Variants in TUBGCP5 observed in about 807,000 individuals in gnomAD.
TUBGCP5 encodes tubulin gamma complex component 5.
In TUBGCP5, 98 loss-of-function variants were observed where a neutral mutation model predicts 134.7. The ratio of observed to expected loss-of-function variants is 0.73; its 90% confidence interval spans 0.62 to 0.86. The LOEUF (loss-of-function observed/expected upper bound fraction) is 0.86. TUBGCP5 is among the 40% of genes least tolerant of loss of function. The pLI, the probability that TUBGCP5 is intolerant of heterozygous loss-of-function variation, is 0.00. For synonymous variants in TUBGCP5, 456 were observed against 431.4 expected, an observed-to-expected ratio of 1.06 and a Z score of -0.71; for missense variants, 1,150 against 1,244.8, an observed-to-expected ratio of 0.92 and a Z score of 1.15.
intron 3 of TUBGCP5, among the ~76,000 whole-genome samples, chr15:23,034,789 T>C (rs2066487879): frequency 1.3e-5 from 2 of 151,950 alleles, no homozygotes; most frequent in Non-Finnish European, 2.9e-5. Context: ...ATTGCACCAT[T>C]GCATTCCAGC....
At chr15:22,992,687 T>C (rs929884178) in intron 23 of TUBGCP5, among the ~76,000 whole-genome samples, 2 of 152,122 alleles carry the variant, frequency 1.3e-5, no homozygotes, top group African/African-American at 4.8e-5. Flanking sequence ...CTTTGGACTT[T>C]GAGGACATTG....
chr15:22,985,042 A>G (rs2063639521), intron 23 of TUBGCP5, among the ~76,000 whole-genome samples: 1 of 152,158 alleles, frequency 6.6e-6, no homozygotes, highest in Non-Finnish European at 1.5e-5. Flanking sequence ...ACAATGCAGG[A>G]AAAATAGGGC....
intron 10 of TUBGCP5, 128 bp from the exon 11 acceptor site, chr15:23,022,289 C>G: frequency 1.1e-6 from 1 of 896,938 alleles, no homozygotes; most frequent in Non-Finnish European, 1.8e-6. Context: ...GGATTTTAAT[C>G]TCATACCACA....
chr15:23,032,769 G>A lies in TUBGCP5; in HGVS notation c.365C>T (p.Ser122Leu), dbSNP rs373572376. ...SLLLCLSDSP[S>L]NSSYVETPRN... ...TGGTGTCTCCACATAACTGCTGTTT[G>A]AAGGAGAGTCTGACAGACACAGAAG... The change falls in exon 4 of 23, where the codon TCA becomes TTA. Residue 122 changes from serine (S) to leucine (L), a missense_variant. Physicochemically the swap from Ser to Leu is moderately radical, Grantham distance 145. Coordinates refer to ENST00000615383, the MANE Select transcript of TUBGCP5 (RefSeq NM_052903.6). The A allele has an allele frequency of 3.9e-5, 62 of 1,598,146 alleles. No homozygotes were observed. The highest frequency in any genetic ancestry group is 5.0e-5 in the Non-Finnish European group (59 of 1,174,242).
At chr15:23,016,705 A>C (rs1294590243) in intron 13 of TUBGCP5, among the ~76,000 whole-genome samples, 3 of 151,926 alleles carry the variant, frequency 2.0e-5, no homozygotes, top group Non-Finnish European at 4.4e-5. Context: ...GATGTGGAGA[A>C]AAGGAAACTC....
chr15:23,029,872 CT>C (rs1334866211), intron 6 of TUBGCP5, among the ~76,000 whole-genome samples: 6 of 151,224 alleles, frequency 4.0e-5, no homozygotes. Context: ...CAGAGTGAGA[CT>C]CCGTCTCAAA....
At chr15:23,025,932 T>C (rs569507619) in intron 8 of TUBGCP5, among the ~76,000 whole-genome samples, 184 bp downstream of exon 8, 2 of 152,098 alleles carry the variant, frequency 1.3e-5, no homozygotes, top group African/African-American at 4.8e-5. Flanking sequence ...TTATTTAAAA[T>C]GAAAATGAAG....
At chr15:22,995,811 C>A (rs1451807303), downstream of TUBGCP5, among the ~76,000 whole-genome samples, 8 of 152,048 alleles carry the variant, frequency 5.3e-5, no homozygotes, top group Admixed American at 5.2e-4. Context: ...TGGCCAGAGG[C>A]AACCACTGTT....
At chr15:23,018,740 G>A (rs2065485185) in intron 12 of TUBGCP5, among the ~76,000 whole-genome samples, 1 of 152,022 alleles carries the variant, frequency 6.6e-6, no homozygotes, top group African/African-American at 2.4e-5. Flanking sequence ...TCAATTAACT[G>A]AAGGGAAATT....
intron 1 of TUBGCP5, 53 bp from the exon 2 acceptor site, chr15:23,037,205 A>T: frequency 6.4e-7 from 1 of 1,551,630 alleles, no homozygotes; most frequent in Non-Finnish European, 8.9e-7. Context: ...CAGGTAAGTG[A>T]ACTCATCTCA....
At position 23,017,012 on chromosome 15, in the gene TUBGCP5, T is replaced by C. The variant is rs142605971; in HGVS notation, c.1756+761A>G. Among the ~76,000 whole-genome samples, 528 of 97,390 alleles carry C rather than the reference T, an allele frequency of 5.4e-3. 2 individuals carry two copies. The highest frequency in any genetic ancestry group is 6.4e-3 in the Non-Finnish European group (295 of 45,896). The allele number at this position is 97,390 out of a possible 152,430, so 63.9% of individuals were successfully genotyped here. On this transcript the variant is annotated intron_variant, in intron 13 of 22. Transcript: ENST00000615383. ...TGTATATATCTTGAAGATAAAAGAGTGAATCCTGTTGTTTGCAGCAACACT... is the reference window on the plus strand; with the variant it reads ...TGTATATATCTTGAAGATAAAAGAGCGAATCCTGTTGTTTGCAGCAACACT...
chr15:23,017,528 GAA>G (rs1034146032), intron 13 of TUBGCP5, among the ~76,000 whole-genome samples: 7 of 152,106 alleles, frequency 4.6e-5, no homozygotes, highest in African/African-American at 1.4e-4. Context: ...CCAGAGTGAG[GAA>G]AATGCATGTG....
chr15:23,036,986 T>C lies in TUBGCP5; in HGVS notation c.220A>G (p.Ile74Val), dbSNP rs148906556. Residue 74 changes from isoleucine (I) to valine (V), a missense_variant, in exon 3 of 23, where the codon ATT becomes GTT. Physicochemically the swap from Ile to Val is conservative, Grantham distance 29 (BLOSUM62 3). Transcript: ENST00000615383. ...TIEGIYEKFV[I>V]HSDLSKAASW... The stretch of plus-strand genomic sequence containing the variant: ...GCAGCTTTGCTTAGATCAGAATGAA[T>C]GACAAATTTTTCATAAATTCTAAAA... 3.1e-6 allele frequency: 5 copies of C among 1,600,814 alleles called. No individual in the cohort carries two copies. Among genetic ancestry groups the C allele is most frequent in the Non-Finnish European group, 4.3e-6 (5 of 1,176,348 alleles).
At chr15:22,996,358 T>C (rs2064080010), downstream of TUBGCP5, among the ~76,000 whole-genome samples, 1 of 152,050 alleles carries the variant, frequency 6.6e-6, no homozygotes, top group Non-Finnish European at 1.5e-5. Context: ...AAAAAAAATG[T>C]CTTGGGCTGG....
At position 23,004,242 on chromosome 15, in the gene TUBGCP5, A is replaced by T. The variant is rs1484223098; in HGVS notation, c.2713-15T>A. The T allele has an allele frequency of 2.5e-6, 4 of 1,601,684 alleles. No homozygotes were observed. In the African/African-American group the frequency reaches 5.4e-5, roughly 22 times the overall value. ...CTGTGTAGAATCTTGGAAGAGAAAGATAAAAAGCTTCATCAGCAGCCTTCT... is the reference window on the plus strand; with the variant it reads ...CTGTGTAGAATCTTGGAAGAGAAAGTTAAAAAGCTTCATCAGCAGCCTTCT... On this transcript the variant is annotated splice_polypyrimidine_tract_variant and intron_variant, in intron 19 of 22. Transcript: ENST00000615383.
chr15:23,002,441 T>A (rs1053945123), intron 21 of TUBGCP5, among the ~76,000 whole-genome samples: 1 of 152,192 alleles, frequency 6.6e-6, no homozygotes, highest in Non-Finnish European at 1.5e-5. Context: ...AATATTGAGC[T>A]GTACACTGGA....
chr15:23,008,377 C>T (rs1344455496), intron 16 of TUBGCP5: 1 of 334,290 alleles, frequency 3.0e-6, no homozygotes, highest in African/African-American at 2.2e-5. Flanking sequence ...AGCGATTCTC[C>T]TGCTTCAGCC....
Position 23,000,685 on chromosome 15 carries a change from A to G in TUBGCP5, c.2928-16T>C. 1.3e-6 allele frequency: 2 copies of G among 1,576,034 alleles called. No homozygotes were observed. Among genetic ancestry groups the G allele is most frequent in the African/African-American group, 2.7e-5 (2 of 73,892 alleles). ...AGATTCCATTCTAGGAATAAAAGTA[A>G]ATTTCAATTAAGTAAGTGCATTGCG... On this transcript the variant is annotated splice_polypyrimidine_tract_variant and intron_variant, in intron 21 of 22. Coordinates refer to ENST00000615383, the MANE Select transcript of TUBGCP5 (RefSeq NM_052903.6).
chr15:22,993,525 G>GTTTTTTTTTTTTTTTTTTTT (rs71414252), intron 23 of TUBGCP5, among the ~76,000 whole-genome samples: 8 of 69,284 alleles, frequency 1.2e-4, no homozygotes, highest in African/African-American at 3.6e-4. Context: ...AGCCCCCGAA[G>GTTTTTTTTTTTTTTTTTTTT]TTTTTTTTTT....
Sources: allele counts gnomAD v4.1 joint callset (sites outside exome capture counted in the v4.1 genomes callset), GRCh38; gene constraint gnomAD v4.1.1; transcripts MANE v1.5; gene names NCBI Gene and HGNC (gene_info 2026-07-23, HGNC 2026-07-21).